Variants in PTPRN2 observed in about 807,000 individuals in gnomAD.
The protein encoded by PTPRN2 is receptor-type tyrosine-protein phosphatase N2.
PTPRN2 carries 74 observed loss-of-function variants against 118.8 expected under a neutral mutation model. The ratio of observed to expected loss-of-function variants is 0.62; its 90% confidence interval spans 0.52 to 0.76. The LOEUF (loss-of-function observed/expected upper bound fraction) is 0.76, where lower values mean the gene tolerates loss of function less well. Ranked by LOEUF, PTPRN2 falls within the 30% of genes least tolerant of loss-of-function variation. The pLI is 0.00. For missense variants in PTPRN2, 1,481 were observed against 1,394.4 expected, an observed-to-expected ratio of 1.06 and a Z score of -0.99; for synonymous variants, 641 against 608.0, an observed-to-expected ratio of 1.05 and a Z score of -0.80.
intron 2 of PTPRN2, among the ~76,000 whole-genome samples, chr7:158,403,769 G>A (rs1813130364): frequency 6.6e-6 from 1 of 152,196 alleles, no homozygotes; most frequent in Non-Finnish European, 1.5e-5. Context: ...ACCCCACGAG[G>A]CTGAATCTTG....
At chr7:158,194,379 T>G (rs1403954635) in intron 4 of PTPRN2, among the ~76,000 whole-genome samples, 5 of 152,228 alleles carry the variant, frequency 3.3e-5, no homozygotes, top group African/African-American at 1.2e-4. Flanking sequence ...TGGGCCAGTC[T>G]GGGGGCCCTT....
rs150385747 is a variant in PTPRN2 at position 158,146,890 on chromosome 7, C to T, written c.911-8375G>A. The stretch of plus-strand genomic sequence containing the variant: ...GCAAACAGTTTACAGGGAAAATACA[C>T]CATTAAGATCCTGTGAAGAGACTGA... On this transcript the variant is annotated intron_variant, in intron 6 of 22. Coordinates refer to ENST00000389418, the MANE Select transcript of PTPRN2 (RefSeq NM_002847.5). Among the ~76,000 whole-genome samples, 14 of 152,020 alleles carry T rather than the reference C, an allele frequency of 9.2e-5. No homozygotes were observed. In the South Asian group the frequency reaches 2.7e-3, roughly 29 times the overall value.
intron 11 of PTPRN2, among the ~76,000 whole-genome samples, chr7:157,952,014 G>A (rs78068384): frequency 5.3e-5 from 8 of 152,316 alleles, no homozygotes; most frequent in African/African-American, 1.4e-4. Flanking sequence ...CACTGCGTTC[G>A]CTGCCCATCT....
At chr7:158,001,996 C>T (rs1428287663) in intron 11 of PTPRN2, among the ~76,000 whole-genome samples, 2 of 152,224 alleles carry the variant, frequency 1.3e-5, no homozygotes, top group Non-Finnish European at 2.9e-5. Context: ...TCAGTGGAGA[C>T]GATGGCCGCC....
At chr7:157,866,482 TACAC>T (rs1043978860) in intron 12 of PTPRN2, among the ~76,000 whole-genome samples, 1 of 151,184 alleles carries the variant, frequency 6.6e-6, no homozygotes, top group African/African-American at 2.4e-5. Context: ...ATCCCTCGTG[TACAC>T]ACACACACAC....
At chr7:157,755,815 C>G (rs570382522) in intron 12 of PTPRN2, among the ~76,000 whole-genome samples, 1 of 152,176 alleles carries the variant, frequency 6.6e-6, no homozygotes, top group Admixed American at 6.5e-5. Context: ...TCCATTCTTA[C>G]TCCAAACCTC....
chr7:158,295,901 C>A (rs373975173), intron 3 of PTPRN2, among the ~76,000 whole-genome samples: 1 of 152,256 alleles, frequency 6.6e-6, no homozygotes, highest in Non-Finnish European at 1.5e-5. Context: ...GGTGAGCTGT[C>A]GAATCCTCAT....
intron 10 of PTPRN2, among the ~76,000 whole-genome samples, chr7:158,092,522 ATAAT>A (rs1415745989): frequency 6.6e-6 from 1 of 152,116 alleles, no homozygotes. Flanking sequence ...TAATTCAAAC[ATAAT>A]TAGACACTTT....
intron 3 of PTPRN2, among the ~76,000 whole-genome samples, chr7:158,224,576 A>G (rs1025899597): frequency 7.2e-5 from 11 of 152,232 alleles, no homozygotes; most frequent in Non-Finnish European, 1.6e-4. Flanking sequence ...TTCACAGTCT[A>G]CACAAAAGCA....
At chr7:157,652,960 G>A (rs922100048) in intron 14 of PTPRN2, among the ~76,000 whole-genome samples, 1 of 152,212 alleles carries the variant, frequency 6.6e-6, no homozygotes, top group Non-Finnish European at 1.5e-5. Flanking sequence ...CAGGGCGGGA[G>A]GGGGCTCTCG....
chr7:157,753,103 G>C (rs901233666), intron 12 of PTPRN2, among the ~76,000 whole-genome samples: 1 of 152,326 alleles, frequency 6.6e-6, no homozygotes, highest in Non-Finnish European at 1.5e-5. Context: ...CCAGGCCTGC[G>C]TGCAGGGGGC....
intron 1 of PTPRN2, among the ~76,000 whole-genome samples, chr7:158,582,416 C>T (rs978927015): frequency 2.0e-5 from 3 of 152,052 alleles, no homozygotes; most frequent in African/African-American, 4.8e-5. Context: ...CACCGCTCCA[C>T]GCACAAAGAA....
At chr7:157,992,647 G>T (rs772014237) in intron 11 of PTPRN2, among the ~76,000 whole-genome samples, 1 of 152,218 alleles carries the variant, frequency 6.6e-6, no homozygotes, top group Non-Finnish European at 1.5e-5. Flanking sequence ...TTATCTGGGG[G>T]TCCCCTGGAG....
At chr7:157,711,735 C>T (rs1471457835) in intron 12 of PTPRN2, among the ~76,000 whole-genome samples, 5 of 152,112 alleles carry the variant, frequency 3.3e-5, no homozygotes, top group South Asian at 2.1e-4. Context: ...GTCACTGGGA[C>T]GCAGCAGTTC....
At chr7:157,741,495 T>C (rs1331829806) in intron 12 of PTPRN2, among the ~76,000 whole-genome samples, 1 of 152,206 alleles carries the variant, frequency 6.6e-6, no homozygotes, top group Admixed American at 6.5e-5. Flanking sequence ...TTGTCTAGGA[T>C]GCTTCTCCTC....
intron 13 of PTPRN2, among the ~76,000 whole-genome samples, chr7:157,670,619 C>G (rs572579176): frequency 6.6e-6 from 1 of 152,274 alleles, no homozygotes; most frequent in East Asian, 1.9e-4. Flanking sequence ...GCAGCAAAGC[C>G]CCTCCAGCCA....
chr7:157,872,471 C>G (rs559705476), intron 12 of PTPRN2, among the ~76,000 whole-genome samples: 1 of 149,646 alleles, frequency 6.7e-6, no homozygotes, highest in Admixed American at 6.6e-5. Context: ...ATCCAGTGTC[C>G]TCCCCACACA....
At chr7:158,569,104 G>A (rs1160258460) in intron 1 of PTPRN2, among the ~76,000 whole-genome samples, 1 of 152,238 alleles carries the variant, frequency 6.6e-6, no homozygotes, top group Non-Finnish European at 1.5e-5. Context: ...TCCAGCCTGG[G>A]CGACAGAGCA....
intron 2 of PTPRN2, among the ~76,000 whole-genome samples, chr7:158,348,300 T>G (rs12698218): frequency 0.093 from 8,001 of 85,714 alleles, 273 homozygotes; most frequent in African/African-American, 0.22. Flanking sequence ...CCACCCTGGG[T>G]TCCCCATTCA....
Sources: allele counts gnomAD v4.1 joint callset (sites outside exome capture counted in the v4.1 genomes callset), GRCh38; gene constraint gnomAD v4.1.1; transcripts MANE v1.5; gene names NCBI Gene and HGNC (gene_info 2026-07-23, HGNC 2026-07-21).